The following DLD variants were observed in gnomAD, a reference collection of about 807,000 sequenced individuals.
DLD encodes dihydrolipoamide dehydrogenase, also known as dihydrolipoyl dehydrogenase, mitochondrial.
In DLD, 36 loss-of-function variants were observed where a neutral mutation model predicts 62.2. The ratio of observed to expected loss-of-function variants is 0.58; its 90% CI spans 0.44 to 0.76. The LOEUF is 0.76. Ranked by LOEUF, DLD falls within the 30% of genes least tolerant of loss-of-function variation. The pLI, the probability that DLD is intolerant of heterozygous loss-of-function variation, is 0.00. For missense variants in DLD, 541 were observed against 608.6 expected (o/e 0.89, Z 1.17); for synonymous variants, 204 against 199.6 (o/e 1.02, Z -0.19).
At chr7:107,917,588 ATATTT>A (rs2032300412) in intron 11 of DLD, 126 bp downstream of exon 11, 1 of 1,025,672 alleles carries the variant, frequency 9.7e-7, no homozygotes, top group Non-Finnish European at 1.5e-6. Context: ...TTTAGCTTAT[ATATTT>A]TTCCCTTGTT....
At position 107,914,145 on chromosome 7, in the gene DLD, C is replaced by G. The variant is rs543394200; in HGVS notation, c.685-1361C>G. Among the ~76,000 whole-genome samples the G allele has an allele frequency of 3.3e-5, 5 of 152,162 alleles. No individual in the cohort carries two copies. In the East Asian group the frequency reaches 9.7e-4, roughly 29 times the overall value. ...CATTGTGGTTTTAACTTAGATTTCT[C>G]TAATGACTTACGGGGTTGAGCATTT... On this transcript the variant is annotated intron_variant, in intron 8 of 13. Coordinates refer to ENST00000205402, the MANE Select transcript of DLD (RefSeq NM_000108.5).
intron 8 of DLD, among the ~76,000 whole-genome samples, chr7:107,911,426 T>C (rs2032136400): frequency 6.6e-6 from 1 of 152,168 alleles, no homozygotes; most frequent in South Asian, 2.1e-4. Flanking sequence ...CAGACTATTA[T>C]GAATGACACT....
chr7:107,891,786 A>G (rs929309505), intron 1 of DLD, among the ~76,000 whole-genome samples: 1 of 152,150 alleles, frequency 6.6e-6, no homozygotes. Flanking sequence ...GAATTCCCCT[A>G]AGGTCTTGTC....
At chr7:107,911,058 A>G (rs1237028799) in intron 8 of DLD, among the ~76,000 whole-genome samples, 2 of 152,178 alleles carry the variant, frequency 1.3e-5, no homozygotes, top group Non-Finnish European at 2.9e-5. Flanking sequence ...TTTTTAGTAT[A>G]TTCATAGAGT....
chr7:107,919,433 C>T lies in DLD; in HGVS notation c.*174C>T. Reference sequence around the variant, plus strand: ...GGAATACTCTTATATCTATATTTTACATAAATTTAGTATTTTGTTTCAGTG... The same window carrying T: ...GGAATACTCTTATATCTATATTTTATATAAATTTAGTATTTTGTTTCAGTG... On this transcript the variant is annotated 3_prime_UTR_variant, in exon 14 of 14. Transcript: ENST00000205402. The T allele has an allele frequency of 1.8e-6, 1 of 552,650 alleles. No homozygotes were observed. 34.2% of individuals were successfully genotyped at this position (552,650 alleles called of 1,614,324 possible).
intron 2 of DLD, among the ~76,000 whole-genome samples, chr7:107,894,609 T>A (rs1182062688): frequency 2.0e-5 from 3 of 152,204 alleles, no homozygotes; most frequent in Non-Finnish European, 2.9e-5. Context: ...AAATGTTAGA[T>A]TTTCATTTCT....
rs1457292937 is a variant in DLD, at chr7:107,917,814, G to A, written c.1237-110G>A. The A allele has an allele frequency of 6.4e-5, 92 of 1,440,670 alleles. 1 individual carries two copies. Among genetic ancestry groups the A allele is most frequent in the South Asian group, 4.9e-4 (42 of 85,934 alleles). The allele number at this position is 1,440,670 out of a possible 1,614,324, so 89.2% of individuals were successfully genotyped here. On this transcript the variant is annotated intron_variant, in intron 11 of 13. Coordinates refer to ENST00000205402, the MANE Select transcript of DLD (RefSeq NM_000108.5). Reference sequence around the variant, plus strand: ...TTTCCTTTCCTTCTATGTGCTTTGCGAACAATTCCCTTCTTGGGATTTATT... The same window carrying A: ...TTTCCTTTCCTTCTATGTGCTTTGCAAACAATTCCCTTCTTGGGATTTATT...
intron 8 of DLD, among the ~76,000 whole-genome samples, chr7:107,911,445 T>C (rs142757458): frequency 1.3e-5 from 2 of 152,284 alleles, no homozygotes; most frequent in Non-Finnish European, 2.9e-5. Flanking sequence ...CTGCTATGTC[T>C]ATTTGTGTAC....
chr7:107,901,938 G>T (rs970263986), intron 3 of DLD, 121 bp downstream of exon 3: 20 of 797,120 alleles, frequency 2.5e-5, no homozygotes, highest in Non-Finnish European at 3.9e-5. Context: ...TAAATTACTT[G>T]TAAGCCTGAG....
chr7:107,918,327 CAACTT>C (rs2032321247), intron 12 of DLD, among the ~76,000 whole-genome samples: 1 of 152,192 alleles, frequency 6.6e-6, no homozygotes, highest in African/African-American at 2.4e-5. Context: ...TGGTGCTTTT[CAACTT>C]CAGATTGTTA....
chr7:107,902,507 G>C (rs930932776), intron 4 of DLD, 114 bp downstream of exon 4: 2 of 927,726 alleles, frequency 2.2e-6, no homozygotes. Flanking sequence ...CCAAGTTGTG[G>C]CACATTTCAC....
chr7:107,917,193 CTT>C lies in DLD; in HGVS notation c.1047-77_1047-76del. Reference sequence around the variant, plus strand: ...TTTTTGGTGACTTGTTTACTGGAAACTTTTGTTACCATAATGTAACTGAAGGT... The same window carrying C: ...TTTTTGGTGACTTGTTTACTGGAAACTTGTTACCATAATGTAACTGAAGGT... On this transcript the variant is annotated intron_variant, in intron 10 of 13. Transcript: ENST00000205402. 10 of 1,549,738 alleles carry C rather than the reference CTT, an allele frequency of 6.5e-6. No homozygotes were observed. The South Asian group carries it at 1.0e-4, about 16-fold the overall frequency.
chr7:107,896,866 C>T (rs1161242850), intron 2 of DLD, among the ~76,000 whole-genome samples: 1 of 150,948 alleles, frequency 6.6e-6, no homozygotes, highest in Non-Finnish European at 1.5e-5. Context: ...GACAAAGTCT[C>T]GCTCTTGTCC....
chr7:107,910,413 T>C (rs1042510392), intron 8 of DLD, among the ~76,000 whole-genome samples: 2 of 152,240 alleles, frequency 1.3e-5, no homozygotes, highest in African/African-American at 2.4e-5. Context: ...TGTTACTGTA[T>C]TGAATTAGTT....
intron 9 of DLD, among the ~76,000 whole-genome samples, chr7:107,916,141 CAA>C (rs1222641087): frequency 6.6e-6 from 1 of 152,016 alleles, no homozygotes; most frequent in African/African-American, 2.4e-5. Flanking sequence ...GACTTTTACT[CAA>C]AGATAAGAAG....
chr7:107,907,310 A>G (rs574549100), intron 8 of DLD, among the ~76,000 whole-genome samples: 4 of 152,280 alleles, frequency 2.6e-5, no homozygotes, highest in East Asian at 1.9e-4. Context: ...TCTTGGCACA[A>G]ACCTTAACAA....
At chr7:107,893,433 T>A (rs1473406152) in intron 2 of DLD, 155 bp downstream of exon 2, 1 of 604,016 alleles carries the variant, frequency 1.7e-6, no homozygotes, top group Non-Finnish European at 2.8e-6. Flanking sequence ...ATTGAGCTAG[T>A]GTGTTCCAGG....
At position 107,917,531 on chromosome 7, in the gene DLD, C is replaced by T. The variant is rs2032299522; in HGVS notation, c.1236+69C>T. The T allele has an allele frequency of 3.5e-6, 5 of 1,419,058 alleles. No homozygotes were observed. The South Asian group carries it at 5.8e-5, about 16-fold the overall frequency. 87.9% of individuals were successfully genotyped at this position (1,419,058 alleles called of 1,614,324 possible). On this transcript the variant is annotated intron_variant, in intron 11 of 13. Coordinates refer to ENST00000205402, the MANE Select transcript of DLD (RefSeq NM_000108.5). ...GCCAATGACATTGGTGGTTGAGAAA[C>T]AGCATTTTATCATTATGCTAATATA...
At chr7:107,891,694 C>T in intron 1 of DLD, 1 of 305,444 alleles carries the variant, frequency 3.3e-6, no homozygotes, top group Non-Finnish European at 6.3e-6. Flanking sequence ...CCTGAGTGGC[C>T]TAAGTTTATG....
Sources: gnomAD v4.1 joint callset for allele counts (sites outside exome capture counted in the v4.1 genomes callset) on GRCh38, gnomAD v4.1.1 for gene constraint, MANE v1.5 for transcripts, NCBI Gene and HGNC (gene_info 2026-07-23, HGNC 2026-07-21) for gene names.